The following PDE3A variants were observed in gnomAD, a reference collection of about 807,000 sequenced individuals.
PDE3A encodes the protein phosphodiesterase 3A, also known as cGMP-inhibited 3',5'-cyclic phosphodiesterase 3A.
Under a neutral mutation model 98.3 loss-of-function variants are expected in PDE3A, and 43 were observed. The ratio of observed to expected loss-of-function variants is 0.44; its 90% confidence interval spans 0.34 to 0.56. The LOEUF (loss-of-function observed/expected upper bound fraction) is 0.56. Among genes scored for constraint, PDE3A ranks in the 20% least tolerant of loss-of-function variants. PDE3A has a pLI of 0.01. For synonymous variants in PDE3A, 663 were observed against 567.9 expected (o/e 1.17, Z -2.38); for missense variants, 1,427 against 1,440.7 (o/e 0.99, Z 0.15).
chr12:20,449,687 T>G, intron 1 of PDE3A: 1 of 447,798 alleles, frequency 2.2e-6, no homozygotes, highest in African/African-American at 2.0e-5. Context: ...TTCAGCATTC[T>G]TACAGAAATA....
In PDE3A at chr12:20,434,302, T is replaced by C. The variant is rs371806164; in HGVS notation, c.960+64058T>C. On this transcript the variant is annotated intron_variant, in intron 1 of 15. Coordinates refer to ENST00000359062, the MANE Select transcript of PDE3A (RefSeq NM_000921.5). ...CCAGGATGGGAACATACATTTGCAA[T>C]GTTGGAAACTTGGAGTTCGTTTTCA... Among the ~76,000 whole-genome samples the C allele has an allele frequency of 6.6e-5, 10 of 152,322 alleles. 1 individual carries two copies. In the East Asian group the frequency reaches 1.5e-3, roughly 24 times the overall value.
chr12:20,636,381 G>A (rs551065920), intron 8 of PDE3A, among the ~76,000 whole-genome samples: 27 of 152,184 alleles, frequency 1.8e-4, no homozygotes, highest in East Asian at 3.9e-4. Context: ...CAGAGAGATC[G>A]TCAGGTAAAA....
chr12:20,398,050 TG>T (rs1181704966), intron 1 of PDE3A, among the ~76,000 whole-genome samples: 6 of 126,170 alleles, frequency 4.8e-5, no homozygotes, highest in Non-Finnish European at 8.0e-5. Flanking sequence ...TTTTTTTTTT[TG>T]TTTTTTTTTT....
intron 1 of PDE3A, among the ~76,000 whole-genome samples, chr12:20,397,240 ATATATGTCTCTC>A (rs1944035312): frequency 1.3e-5 from 2 of 152,052 alleles, no homozygotes. Context: ...GCCTGTCTCT[ATATATGTCTCTC>A]TATATGTCTT....
chr12:20,490,993 C>G (rs1354063139), intron 1 of PDE3A, among the ~76,000 whole-genome samples: 2 of 152,074 alleles, frequency 1.3e-5, no homozygotes, highest in Admixed American at 6.6e-5. Context: ...CCTAGCTACT[C>G]AGGAGGCTGA....
intron 1 of PDE3A, among the ~76,000 whole-genome samples, chr12:20,470,798 G>C (rs1028551995): frequency 3.3e-5 from 5 of 152,096 alleles, no homozygotes; most frequent in Non-Finnish European, 7.4e-5. Context: ...TTGATATGTT[G>C]AAGTTCTAAT....
At chr12:20,418,651 G>A (rs995772050) in intron 1 of PDE3A, among the ~76,000 whole-genome samples, 1 of 151,426 alleles carries the variant, frequency 6.6e-6, no homozygotes. Flanking sequence ...CTTTCTTTTT[G>A]TATCATGCCC....
Position 20,683,573 on chromosome 12 carries a change from T to A in PDE3A, c.*3302T>A, listed in dbSNP as rs1267445350. On this transcript the variant is annotated 3_prime_UTR_variant, in exon 16 of 16. Coordinates refer to ENST00000359062, the MANE Select transcript of PDE3A (RefSeq NM_000921.5). ...AAATGTCTTTCCGGTTATATATCTA[T>A]CTAAATTAACCTTTAAAATATTGGT... is the stretch of plus-strand genomic sequence containing the variant. 3.3e-5 allele frequency: 5 copies of A among 152,180 alleles called. No individual in the cohort carries two copies. Among genetic ancestry groups the A allele is most frequent in the Admixed American group, 1.3e-4 (2 of 15,280 alleles). 9.4% of individuals were successfully genotyped at this position (152,180 alleles called of 1,614,324 possible). A position where few individuals can be genotyped will look rare whatever the true frequency, so the allele number is the denominator to read the frequency against.
At chr12:20,651,659 G>A (rs1002116940) in intron 14 of PDE3A, among the ~76,000 whole-genome samples, 1 of 152,112 alleles carries the variant, frequency 6.6e-6, no homozygotes, top group Non-Finnish European at 1.5e-5. Context: ...AATAGGCTGA[G>A]ACACCATATT....
At chr12:20,457,801 T>A (rs1391847155) in intron 1 of PDE3A, among the ~76,000 whole-genome samples, 4 of 151,936 alleles carry the variant, frequency 2.6e-5, no homozygotes, top group Non-Finnish European at 5.9e-5. Context: ...AAAATTTTTT[T>A]AAAAAGAACT....
chr12:20,440,826 T>A (rs968875216), intron 1 of PDE3A, among the ~76,000 whole-genome samples: 3 of 152,166 alleles, frequency 2.0e-5, no homozygotes, highest in African/African-American at 7.2e-5. Context: ...AGGTTTTCCA[T>A]CAGAGATGGA....
chr12:20,558,488 C>A (rs1018758089), intron 2 of PDE3A, among the ~76,000 whole-genome samples: 6 of 151,728 alleles, frequency 4.0e-5, no homozygotes, highest in Non-Finnish European at 7.4e-5. Flanking sequence ...ATATAGTATA[C>A]CTTTGTCCCA....
intron 1 of PDE3A, among the ~76,000 whole-genome samples, chr12:20,523,240 G>A (rs1946461586): frequency 6.6e-6 from 1 of 152,096 alleles, no homozygotes; most frequent in South Asian, 2.1e-4. Flanking sequence ...GGTGCCACAG[G>A]TCCCTCTTGA....
chr12:20,477,672 T>C (rs1314307653), intron 1 of PDE3A, among the ~76,000 whole-genome samples: 3 of 152,192 alleles, frequency 2.0e-5, no homozygotes, highest in Admixed American at 1.3e-4. Flanking sequence ...AATTAAAACA[T>C]TACTGATTTA....
At chr12:20,407,381 T>A (rs556954943) in intron 1 of PDE3A, among the ~76,000 whole-genome samples, 1 of 152,318 alleles carries the variant, frequency 6.6e-6, no homozygotes, top group South Asian at 2.1e-4. Context: ...TTTAAAAAAT[T>A]GAACAACTGA....
intron 1 of PDE3A, among the ~76,000 whole-genome samples, chr12:20,489,336 C>T (rs1320921240): frequency 1.3e-5 from 2 of 152,102 alleles, no homozygotes; most frequent in South Asian, 2.1e-4. Context: ...GCGTTATAGC[C>T]AGTAAGCCTG....
chr12:20,430,062 T>C (rs1944670009), intron 1 of PDE3A, among the ~76,000 whole-genome samples: 1 of 152,208 alleles, frequency 6.6e-6, no homozygotes, highest in Non-Finnish European at 1.5e-5. Context: ...CCATGACTTG[T>C]AGCATATGGT....
At chr12:20,556,812 G>A (rs1942381795) in intron 2 of PDE3A, 102 bp downstream of exon 2, 2 of 833,350 alleles carry the variant, frequency 2.4e-6, no homozygotes, top group East Asian at 2.5e-5. Flanking sequence ...GCGAGGAAGA[G>A]GCAAAATAAC....
In PDE3A at chr12:20,552,563, G is replaced by A; in HGVS notation, c.961-4097G>A. ...TTCGCGTCCCCCAGGACGGGCAAGGGCAAGTGGAAGCGGAAGTCGGCAGGA... is the reference window on the plus strand; with the variant it reads ...TTCGCGTCCCCCAGGACGGGCAAGGACAAGTGGAAGCGGAAGTCGGCAGGA... On this transcript the variant is annotated intron_variant, in intron 1 of 15. Transcript: ENST00000359062. This position sits in a 1 kb window ranked among gnomAD's most constrained non-coding sequence, Gnocchi z 5.1. 6 of 1,613,746 alleles carry A rather than the reference G, an allele frequency of 3.7e-6. No individual in the cohort carries two copies. The highest frequency in any genetic ancestry group is 1.1e-5 in the South Asian group (1 of 91,028).
Sources: allele counts gnomAD v4.1 joint callset (sites outside exome capture counted in the v4.1 genomes callset), GRCh38; gene constraint gnomAD v4.1.1; non-coding constraint Gnocchi (gnomAD v3.1); transcripts MANE v1.5; gene names NCBI Gene and HGNC (gene_info 2026-07-23, HGNC 2026-07-21).